SH3GL2: variants seen among roughly 807,000 people sequenced by gnomAD.
The protein encoded by SH3GL2 is SH3 domain containing GRB2 like 2, endophilin A1, also known as endophilin-A1.
In SH3GL2, 24 loss-of-function variants were observed where a neutral mutation model predicts 46.0. The observed-to-expected ratio is 0.52, with a 90% CI of 0.38 to 0.73. The LOEUF (loss-of-function observed/expected upper bound fraction) is 0.73. Ranked by LOEUF, SH3GL2 falls within the 30% of genes least tolerant of loss-of-function variation. SH3GL2 has a pLI of 0.00. For synonymous variants in SH3GL2, 196 were observed against 147.1 expected (o/e 1.33, Z -2.40); for missense variants, 413 against 424.2 (o/e 0.97, Z 0.23).
chr9:17,702,135 AAAAC>A lies in SH3GL2; in HGVS notation c.46-44927_46-44924del, dbSNP rs1334078526. 5.9e-5 allele frequency among the ~76,000 whole-genome samples: 9 copies of A among 152,282 alleles called. No homozygotes were observed. In the East Asian group the frequency reaches 1.5e-3, roughly 26 times the overall value. On this transcript the variant is annotated intron_variant, in intron 1 of 8. Coordinates refer to ENST00000380607, the MANE Select transcript of SH3GL2 (RefSeq NM_003026.5). ...AGATACAAGTGTATTTCAAATCACT[AAAAC>A]AAAATAGATAATAAATGGTTTTGGG...
At chr9:17,751,622 C>G (rs1331936614) in intron 2 of SH3GL2, among the ~76,000 whole-genome samples, 2 of 152,140 alleles carry the variant, frequency 1.3e-5, no homozygotes, top group African/African-American at 2.4e-5. Context: ...TCATGTGAGG[C>G]ACACCAGTCA....
At chr9:17,752,691 G>T (rs1358363768) in intron 2 of SH3GL2, among the ~76,000 whole-genome samples, 2 of 152,008 alleles carry the variant, frequency 1.3e-5, no homozygotes, top group Non-Finnish European at 2.9e-5. Flanking sequence ...GATATTTGAG[G>T]TCCAATTTCT....
At chr9:17,790,288 C>G (rs916730153) in intron 6 of SH3GL2, 14 of 226,352 alleles carry the variant, frequency 6.2e-5, no homozygotes, top group African/African-American at 3.3e-4. Context: ...CCAGTCTCCT[C>G]TGGAAACACC....
At chr9:17,621,028 G>A (rs566795218) in intron 1 of SH3GL2, among the ~76,000 whole-genome samples, 92 of 152,282 alleles carry the variant, frequency 6.0e-4, no homozygotes, top group Non-Finnish European at 2.8e-4. Context: ...GTTTAAAGAT[G>A]TTGACAGAGT....
At chr9:17,736,867 A>T (rs1822352199) in intron 1 of SH3GL2, among the ~76,000 whole-genome samples, 1 of 152,114 alleles carries the variant, frequency 6.6e-6, no homozygotes, top group African/African-American at 2.4e-5. Flanking sequence ...AGAAAGTGAG[A>T]TGGAAGAGGG....
intron 3 of SH3GL2, among the ~76,000 whole-genome samples, chr9:17,780,382 G>C (rs1823768014): frequency 6.6e-6 from 1 of 151,346 alleles, no homozygotes; most frequent in Non-Finnish European, 1.5e-5. Context: ...GAATTCCCTT[G>C]TGAGAACATA....
intron 1 of SH3GL2, among the ~76,000 whole-genome samples, chr9:17,633,576 A>G (rs1012466836): frequency 2.0e-5 from 3 of 152,188 alleles, no homozygotes; most frequent in African/African-American, 7.2e-5. Context: ...TTTTTGCACC[A>G]ACGTGTTCTT....
At chr9:17,737,240 A>C (rs1822364714) in intron 1 of SH3GL2, among the ~76,000 whole-genome samples, 1 of 152,088 alleles carries the variant, frequency 6.6e-6, no homozygotes, top group Non-Finnish European at 1.5e-5. Context: ...ATTAGGAGAA[A>C]TACCTAATGT....
In SH3GL2 at chr9:17,622,505, A is replaced by G. The variant is rs76556576; in HGVS notation, c.45+43218A>G. Among the ~76,000 whole-genome samples, 638 of 152,210 alleles carry G rather than the reference A, an allele frequency of 4.2e-3. 6 individuals carry two copies. The highest frequency in any genetic ancestry group is 0.015 in the African/African-American group (612 of 41,540). ...GCCACTTGTGAGCAAAGAACCTCCT[A>G]TTTCCAGATTCGGCGCCACCTGTGG... On this transcript the variant is annotated intron_variant, in intron 1 of 8. Transcript: ENST00000380607.
chr9:17,750,519 G>A (rs1329649856), intron 2 of SH3GL2, among the ~76,000 whole-genome samples: 2 of 152,024 alleles, frequency 1.3e-5, no homozygotes, highest in Non-Finnish European at 2.9e-5. Flanking sequence ...CTGCGGCTGT[G>A]CTGTCTCTGT....
chr9:17,731,556 G>A (rs905953180), intron 1 of SH3GL2, among the ~76,000 whole-genome samples: 4 of 152,082 alleles, frequency 2.6e-5, no homozygotes, highest in Non-Finnish European at 5.9e-5. Context: ...ATGCAAGCCA[G>A]GAATTGAGCG....
At chr9:17,734,891 C>G (rs1822284718) in intron 1 of SH3GL2, among the ~76,000 whole-genome samples, 2 of 152,032 alleles carry the variant, frequency 1.3e-5, no homozygotes, top group African/African-American at 4.8e-5. Context: ...GTGATGATTA[C>G]ATAACTCTGT....
chr9:17,626,175 G>T (rs183567052), intron 1 of SH3GL2, among the ~76,000 whole-genome samples: 1 of 152,212 alleles, frequency 6.6e-6, no homozygotes, highest in Non-Finnish European at 1.5e-5. Context: ...CTCGGCAGGT[G>T]TGGGTCTGGG....
chr9:17,684,036 C>G (rs889171522), intron 1 of SH3GL2, among the ~76,000 whole-genome samples: 1 of 151,974 alleles, frequency 6.6e-6, no homozygotes, highest in Non-Finnish European at 1.5e-5. Flanking sequence ...GGCTTTTAAC[C>G]AAAAATTACT....
intron 1 of SH3GL2, among the ~76,000 whole-genome samples, chr9:17,625,299 T>C (rs1819256784): frequency 6.6e-6 from 1 of 152,158 alleles, no homozygotes; most frequent in Admixed American, 6.5e-5. Context: ...CTGTTGTTGA[T>C]TGAATCCTGG....
intron 2 of SH3GL2, among the ~76,000 whole-genome samples, chr9:17,759,055 C>A (rs112314340): frequency 0.01 from 1,568 of 152,128 alleles, 12 homozygotes; most frequent in Middle Eastern, 0.017. Flanking sequence ...AGTGGTTGGG[C>A]TCCCTACACA....
chr9:17,674,977 G>GCC (rs1011713534), intron 1 of SH3GL2, among the ~76,000 whole-genome samples: 19 of 152,162 alleles, frequency 1.2e-4, no homozygotes, highest in Admixed American at 5.2e-4. Context: ...GATAGGAGGA[G>GCC]CCACCAGGTT....
chr9:17,730,341 G>A (rs571878833), intron 1 of SH3GL2, among the ~76,000 whole-genome samples: 1 of 152,104 alleles, frequency 6.6e-6, no homozygotes, highest in Non-Finnish European at 1.5e-5. Context: ...TTGCTTATCA[G>A]CTTAAGGAGT....
intron 1 of SH3GL2, among the ~76,000 whole-genome samples, chr9:17,676,624 A>C (rs1820618592): frequency 6.6e-6 from 1 of 152,166 alleles, no homozygotes; most frequent in African/African-American, 2.4e-5. Context: ...AAACAAACAA[A>C]AAGTATATCA....
Sources: gnomAD v4.1 joint callset for allele counts (sites outside exome capture counted in the v4.1 genomes callset) on GRCh38, gnomAD v4.1.1 for gene constraint, MANE v1.5 for transcripts, NCBI Gene and HGNC (gene_info 2026-07-23, HGNC 2026-07-21) for gene names.